The following DNAH14 variants were observed in gnomAD, a reference collection of about 807,000 sequenced individuals.
DNAH14 encodes the protein axonemal beta dynein heavy chain 14.
DNAH14 carries 478 observed loss-of-function variants against 520.9 expected under a neutral mutation model. The ratio of observed to expected loss-of-function variants is 0.92; its 90% CI spans 0.85 to 0.99. DNAH14 has a LOEUF of 0.99. Ranked by LOEUF, DNAH14 falls within the 50% of genes least tolerant of loss-of-function variation. The pLI is 0.00. For missense variants in DNAH14, 4,831 were observed against 5,234.5 expected (o/e 0.92, Z 2.38); for synonymous variants, 1,581 against 1,757.2 (o/e 0.90, Z 2.51).
intron 27 of DNAH14, among the ~76,000 whole-genome samples, chr1:225,131,968 TATA>T (rs1309789734): frequency 1.4e-4 from 22 of 152,038 alleles, no homozygotes; most frequent in Admixed American, 1.4e-3. Flanking sequence ...AAAAGAAATT[TATA>T]AGAGTTTCCA....
chr1:225,381,657 A>C, intron 81 of DNAH14, 78 bp downstream of exon 81: 1 of 1,112,074 alleles, frequency 9.0e-7, no homozygotes, highest in Non-Finnish European at 1.3e-6. Context: ...GTGAAGGTAA[A>C]TGGTGCATCT....
chr1:225,089,442 C>CAAAAAAAAAAAAAAAAAAAAAAA (rs1169182387), intron 21 of DNAH14, among the ~76,000 whole-genome samples: 1 of 29,912 alleles, frequency 3.3e-5, no homozygotes, highest in Non-Finnish European at 6.3e-5. Context: ...AAAACTCCGT[C>CAAAAAAAAAAAAAAAAAAAAAAA]AAAAAAAAAA....
intron 27 of DNAH14, among the ~76,000 whole-genome samples, chr1:225,127,816 C>A (rs2077916507): frequency 6.6e-6 from 1 of 152,158 alleles, no homozygotes. Context: ...ATGATCTTTA[C>A]ATTTTGGCAT....
intron 5 of DNAH14, among the ~76,000 whole-genome samples, chr1:224,965,299 A>G (rs970494925): frequency 6.6e-6 from 1 of 152,066 alleles, no homozygotes; most frequent in African/African-American, 2.4e-5. Flanking sequence ...ACACATTCTC[A>G]TCTGCACCCT....
intron 46 of DNAH14, among the ~76,000 whole-genome samples, 198 bp downstream of exon 46, chr1:225,259,451 C>A (rs935755081): frequency 2.0e-5 from 3 of 151,948 alleles, no homozygotes; most frequent in African/African-American, 7.3e-5. Flanking sequence ...TTTTAATTGA[C>A]AAATGATAAT....
chr1:225,048,859 C>T (rs1275650650), intron 15 of DNAH14, among the ~76,000 whole-genome samples: 5 of 152,056 alleles, frequency 3.3e-5, no homozygotes, highest in Non-Finnish European at 7.4e-5. Flanking sequence ...CATATCTTTG[C>T]CAGCACTTGG....
intron 17 of DNAH14, among the ~76,000 whole-genome samples, chr1:225,052,238 A>C (rs901740108): frequency 1.3e-5 from 2 of 152,140 alleles, no homozygotes; most frequent in African/African-American, 4.8e-5. Flanking sequence ...CTCTTTAAGC[A>C]AGTATTCTGG....
At chr1:225,328,850 C>T (rs910022057) in intron 64 of DNAH14, among the ~76,000 whole-genome samples, 1 of 152,044 alleles carries the variant, frequency 6.6e-6, no homozygotes, top group Non-Finnish European at 1.5e-5. Context: ...AGCAAGCAGA[C>T]AAAAACAACA....
At chr1:225,389,670 C>T in intron 82 of DNAH14, 64 bp from the exon 83 acceptor site, 1 of 1,501,000 alleles carries the variant, frequency 6.7e-7, no homozygotes, top group Non-Finnish European at 8.9e-7. Context: ...AAATGGCCCA[C>T]ATCACCCAAA....
At chr1:224,934,989 G>C (rs1172195980) in intron 1 of DNAH14, among the ~76,000 whole-genome samples, 1 of 151,696 alleles carries the variant, frequency 6.6e-6, no homozygotes. Context: ...TCACAAAATT[G>C]GTCCCCTAAG....
chr1:225,206,037 CTG>C lies in DNAH14; in HGVS notation c.6047_6048del (p.Val2016AlafsTer3). On this transcript the variant is annotated frameshift_variant, in exon 40 of 86. Coordinates refer to ENST00000682510, the MANE Select transcript of DNAH14 (RefSeq NM_001367479.1). LOFTEE classifies it high-confidence loss of function. ...ACCTTTTGGGTAGAAAATCTGAACTCTGTGCTAGATGATACTAGAACATTGTG... is the reference window on the plus strand; with the variant it reads ...ACCTTTTGGGTAGAAAATCTGAACTCTGCTAGATGATACTAGAACATTGTG... The C allele has an allele frequency of 6.4e-7, 1 of 1,551,628 alleles. No homozygotes were observed. The highest frequency in any genetic ancestry group is 8.7e-7 in the Non-Finnish European group (1 of 1,146,866).
intron 1 of DNAH14, among the ~76,000 whole-genome samples, chr1:224,935,606 A>G (rs1043614321): frequency 9.9e-5 from 15 of 151,922 alleles, no homozygotes; most frequent in African/African-American, 3.6e-4. Context: ...AGACTGCCAT[A>G]CAATAATAGT....
At chr1:225,344,133 A>G (rs1460541604) in intron 69 of DNAH14, among the ~76,000 whole-genome samples, 2 of 152,074 alleles carry the variant, frequency 1.3e-5, no homozygotes, top group African/African-American at 4.8e-5. Context: ...GGTTTTAGTA[A>G]AAATTGTTCT....
chr1:225,023,724 A>C lies in DNAH14; in HGVS notation c.1217A>C (p.Lys406Thr), dbSNP rs1340425523. The change falls in exon 11 of 86, where the codon AAG (lysine) becomes ACG (threonine). Residue 406 changes from lysine to threonine, a missense_variant. Lys to Thr is a moderately conservative substitution (Grantham distance 78). Coordinates refer to ENST00000682510, the MANE Select transcript of DNAH14 (RefSeq NM_001367479.1). ...AGACGTTTATTAGAAACATTTTTCA[A>C]GTTTGTAATGCTGGTTGACTACATA... ...KYRRLLETFFKFVMLVDYIFQ... is the reference protein window; with the variant it reads ...KYRRLLETFFTFVMLVDYIFQ... The C allele has an allele frequency of 6.4e-7, 1 of 1,550,768 alleles. No homozygotes were observed. Among genetic ancestry groups the C allele is most frequent in the African/African-American group, 1.4e-5 (1 of 73,016 alleles).
In DNAH14 at chr1:225,205,981, GC is replaced by G. The variant is rs1167178099; in HGVS notation, c.5989del (p.Gln1997SerfsTer5). The G allele has an allele frequency of 6.4e-7, 1 of 1,550,572 alleles. No homozygotes were observed. Among genetic ancestry groups the G allele is most frequent in the Non-Finnish European group, 8.7e-7 (1 of 1,146,370 alleles). The part of the protein sequence containing the change: ...KIPENHNFDW[Q>X]WIILDGPVDT... The stretch of plus-strand genomic sequence containing the variant: ...TATTTTTCTCTCCAGATTTTGATTG[GC>G]AGTGGATTATCCTAGATGGCCCAGT... On this transcript the variant is annotated frameshift_variant, in exon 40 of 86. Coordinates refer to ENST00000682510, the MANE Select transcript of DNAH14 (RefSeq NM_001367479.1). LOFTEE classifies it high-confidence loss of function.
intron 11 of DNAH14, among the ~76,000 whole-genome samples, chr1:225,033,016 A>G (rs994700430): frequency 2.0e-5 from 3 of 152,000 alleles, no homozygotes; most frequent in Admixed American, 6.6e-5. Flanking sequence ...ATTTTCCCCC[A>G]TTATGTAGGT....
At chr1:225,159,196 G>C (rs1559134659) in intron 34 of DNAH14, 118 bp from the exon 35 acceptor site, 2 of 753,378 alleles carry the variant, frequency 2.7e-6, no homozygotes, top group South Asian at 1.8e-5. Flanking sequence ...TCCAGTGAGA[G>C]AGAGGAGGGA....
rs759840025 is a variant in DNAH14 at position 225,038,824 on chromosome 1, G to C, written c.1488+1G>C. On this transcript the variant is annotated splice_donor_variant, in intron 12 of 85. Transcript: ENST00000682510. LOFTEE classifies it high-confidence loss of function. ...AAAAACAGACACTGATATTAATGAG[G>C]TAAAATGATCTTTGAAAAATATAAA... The C allele has an allele frequency of 2.0e-6, 3 of 1,475,630 alleles. No homozygotes were observed. The highest frequency in any genetic ancestry group is 3.0e-5 in the Admixed American group (1 of 33,356). The allele number at this position is 1,475,630 out of a possible 1,614,324, so 91.4% of individuals were successfully genotyped here.
chr1:225,181,251 C>T (rs934790433), intron 36 of DNAH14, among the ~76,000 whole-genome samples: 6 of 152,132 alleles, frequency 3.9e-5, no homozygotes, highest in Admixed American at 2.6e-4. Flanking sequence ...AGGTTGATTT[C>T]ATATCTTTGC....
Sources: gnomAD v4.1 joint callset for allele counts (sites outside exome capture counted in the v4.1 genomes callset) on GRCh38, gnomAD v4.1.1 for gene constraint, MANE v1.5 for transcripts, NCBI Gene and HGNC (gene_info 2026-07-23, HGNC 2026-07-21) for gene names.